The following STK39 variants were observed in gnomAD, a reference collection of about 807,000 sequenced individuals.
The protein encoded by STK39 is serine/threonine kinase 39.
STK39 carries 20 observed loss-of-function variants against 77.8 expected under a neutral mutation model. The observed-to-expected ratio is 0.26, with a 90% CI of 0.18 to 0.37. The LOEUF (loss-of-function observed/expected upper bound fraction) is 0.37, where lower values mean the gene tolerates loss of function less well. STK39 is among the 10% of genes least tolerant of loss of function. STK39 has a pLI of 1.00. For synonymous variants in STK39, 246 were observed against 234.1 expected, an observed-to-expected ratio of 1.05 and a Z score of -0.47; for missense variants, 479 against 656.5, an observed-to-expected ratio of 0.73 and a Z score of 2.95.
intron 16 of STK39, among the ~76,000 whole-genome samples, chr2:167,991,781 G>C (rs1339908727): frequency 6.6e-6 from 1 of 152,102 alleles, no homozygotes; most frequent in African/African-American, 2.4e-5. Context: ...AGAGGAAACG[G>C]GTTAGGACTT....
chr2:168,153,260 T>C (rs113742967), intron 5 of STK39, among the ~76,000 whole-genome samples: 93 of 152,350 alleles, frequency 6.1e-4, no homozygotes, highest in African/African-American at 2.0e-3. Context: ...AAGTGCCACT[T>C]CCAGTTCTAA....
chr2:168,177,217 A>G (rs1299000480), intron 2 of STK39, among the ~76,000 whole-genome samples: 1 of 152,230 alleles, frequency 6.6e-6, no homozygotes, highest in East Asian at 1.9e-4. Context: ...CCATAATTTC[A>G]TAACGTAATC....
chr2:168,188,374 T>G (rs965708612), intron 1 of STK39, among the ~76,000 whole-genome samples: 1 of 152,218 alleles, frequency 6.6e-6, no homozygotes, highest in East Asian at 1.9e-4. Context: ...AGTCAGAATT[T>G]TGCAGAAAGG....
intron 16 of STK39, among the ~76,000 whole-genome samples, chr2:167,965,055 A>G (rs1471494137): frequency 6.6e-6 from 1 of 152,142 alleles, no homozygotes; most frequent in Non-Finnish European, 1.5e-5. Context: ...GCTTCTCTAA[A>G]TATTCATTAC....
intron 1 of STK39, among the ~76,000 whole-genome samples, chr2:168,243,290 A>AGG (rs1690818020): frequency 1.3e-5 from 2 of 152,350 alleles, no homozygotes; most frequent in South Asian, 2.1e-4. Context: ...CTCATTTTAC[A>AGG]AGAGGCTGTT....
chr2:168,205,120 A>T (rs1689707754), intron 1 of STK39, among the ~76,000 whole-genome samples: 1 of 152,254 alleles, frequency 6.6e-6, no homozygotes, highest in Non-Finnish European at 1.5e-5. Context: ...AATATAGGTG[A>T]TGGAGAGATG....
intron 14 of STK39, among the ~76,000 whole-genome samples, chr2:168,018,297 C>T (rs1392565440): frequency 1.3e-5 from 2 of 151,818 alleles, no homozygotes; most frequent in Non-Finnish European, 2.9e-5. Flanking sequence ...GTTAGGAGTT[C>T]GAGACCAGCC....
intron 12 of STK39, among the ~76,000 whole-genome samples, chr2:168,067,450 C>T (rs1401205359): frequency 6.6e-6 from 1 of 152,242 alleles, no homozygotes; most frequent in Non-Finnish European, 1.5e-5. Context: ...GTTCTCACTT[C>T]ACCTTCCACC....
At chr2:168,247,137 G>A (rs1210049088) in intron 1 of STK39, 91 bp downstream of exon 1, 3 of 897,290 alleles carry the variant, frequency 3.3e-6, no homozygotes, top group East Asian at 8.4e-5. Flanking sequence ...CCTCCAGGGC[G>A]TGCATGCAGG....
At chr2:168,205,590 G>A (rs988306453) in intron 1 of STK39, among the ~76,000 whole-genome samples, 8 of 152,218 alleles carry the variant, frequency 5.3e-5, no homozygotes, top group South Asian at 2.1e-4. Context: ...GGGGAGGGAC[G>A]GGGATTGCTT....
chr2:168,169,631 CGT>C (rs10611769), intron 2 of STK39, among the ~76,000 whole-genome samples: 1,472 of 145,148 alleles, frequency 0.01, 12 homozygotes, highest in East Asian at 0.052. Context: ...TTGCAGTGAG[CGT>C]GTGTGTGTGT....
chr2:168,245,931 C>G (rs903928029), intron 1 of STK39, among the ~76,000 whole-genome samples: 2 of 152,026 alleles, frequency 1.3e-5, no homozygotes, highest in African/African-American at 4.8e-5. Context: ...TACGGACCTG[C>G]CCAACATTTT....
At chr2:168,009,980 A>G (rs1398281903) in intron 16 of STK39, among the ~76,000 whole-genome samples, 1 of 152,176 alleles carries the variant, frequency 6.6e-6, no homozygotes, top group Non-Finnish European at 1.5e-5. Flanking sequence ...AGCCTGGGGC[A>G]AAAAAAGAAG....
chr2:168,105,597 CT>C (rs2105459615), intron 10 of STK39, among the ~76,000 whole-genome samples: 1 of 152,280 alleles, frequency 6.6e-6, no homozygotes, highest in East Asian at 1.9e-4. Context: ...GCTGTACACC[CT>C]GGAAAATTAA....
At chr2:168,104,591 A>G (rs1198983485) in intron 10 of STK39, among the ~76,000 whole-genome samples, 3 of 152,190 alleles carry the variant, frequency 2.0e-5, no homozygotes, top group Non-Finnish European at 4.4e-5. Flanking sequence ...GAATGGAACG[A>G]AAGAATATTT....
At chr2:168,120,254 G>A (rs908946583) in intron 10 of STK39, among the ~76,000 whole-genome samples, 4 of 152,192 alleles carry the variant, frequency 2.6e-5, no homozygotes, top group Non-Finnish European at 1.5e-5. Context: ...TGAGATAAAT[G>A]TGACGTAAGC....
chr2:168,157,735 G>C (rs1224777725), intron 5 of STK39, among the ~76,000 whole-genome samples: 1 of 152,012 alleles, frequency 6.6e-6, no homozygotes, highest in East Asian at 1.9e-4. Context: ...TTGGTAATTA[G>C]GGTTCAACAT....
chr2:168,186,949 G>C (rs903668123), intron 1 of STK39, among the ~76,000 whole-genome samples: 3 of 152,180 alleles, frequency 2.0e-5, no homozygotes, highest in Non-Finnish European at 4.4e-5. Flanking sequence ...ACAGCATGAT[G>C]AGCATAAGAG....
intron 1 of STK39, among the ~76,000 whole-genome samples, chr2:168,216,917 A>T (rs1438433203): frequency 6.6e-6 from 1 of 152,164 alleles, no homozygotes; most frequent in Non-Finnish European, 1.5e-5. Flanking sequence ...ACCCGCTAGG[A>T]ACAAGGCTTT....
Sources: gnomAD v4.1 joint callset for allele counts (sites outside exome capture counted in the v4.1 genomes callset) on GRCh38, gnomAD v4.1.1 for gene constraint, MANE v1.5 for transcripts, NCBI Gene and HGNC (gene_info 2026-07-23, HGNC 2026-07-21) for gene names.